Variants in PHKA1 observed in about 807,000 individuals in gnomAD.
The protein encoded by PHKA1 is phosphorylase kinase regulatory subunit alpha 1.
A neutral mutation model predicts 110.2 loss-of-function variants in PHKA1; 60 were observed. That is an observed-to-expected ratio of 0.54 (90% CI 0.44 to 0.68). The LOEUF is 0.68. Ranked by LOEUF, PHKA1 falls within the 30% of genes least tolerant of loss-of-function variation. The pLI is 0.00. For synonymous variants in PHKA1, 316 were observed against 333.6 expected, an observed-to-expected ratio of 0.95 and a Z score of 0.58; for missense variants, 801 against 942.5, an observed-to-expected ratio of 0.85 and a Z score of 1.97.
intron 15 of PHKA1, 121 bp downstream of exon 15, chrX:72,636,156 A>C (rs1326980334): frequency 2.0e-6 from 1 of 510,327 alleles, no homozygotes; most frequent in African/African-American, 2.3e-5. Context: ...TGAGTAAGTT[A>C]TGTGCAAGGC....
chrX:72,683,426 A>G (rs1245502404), intron 5 of PHKA1, among the ~76,000 whole-genome samples: 2 of 111,633 alleles, frequency 1.8e-5, no homozygotes, highest in African/African-American at 6.6e-5. Flanking sequence ...CAACAGACAA[A>G]AACAGAAACA....
chrX:72,631,005 T>TG (rs2053158356), intron 16 of PHKA1, among the ~76,000 whole-genome samples: 1 of 97,744 alleles, frequency 1.0e-5, no homozygotes, highest in African/African-American at 3.7e-5. Flanking sequence ...TCAGGTTTTT[T>TG]TTTTTTTTTT....
chrX:72,695,980 C>T, intron 3 of PHKA1, 104 bp from the exon 4 acceptor site: 1 of 669,016 alleles, frequency 1.5e-6, no homozygotes, highest in Non-Finnish European at 2.5e-6. Flanking sequence ...TGAAGATACA[C>T]TATCTTCAGG....
At chrX:72,685,575 C>T (rs782676063) in intron 4 of PHKA1, among the ~76,000 whole-genome samples, 2 of 111,616 alleles carry the variant, frequency 1.8e-5, no homozygotes, top group Non-Finnish European at 3.8e-5. Context: ...AAATTTTATA[C>T]AAAATTACTT....
At chrX:72,597,508 T>C (rs1240764845) in intron 28 of PHKA1, among the ~76,000 whole-genome samples, 1 of 111,489 alleles carries the variant, frequency 9.0e-6, no homozygotes, top group Non-Finnish European at 1.9e-5. Flanking sequence ...CTTTGACCAA[T>C]GACTCTTTTA....
rs1556335959 is a variant in PHKA1 at position 72,713,884 on chromosome X, G to T, written c.-4C>A. 1.7e-6 allele frequency: 2 copies of T among 1,192,562 alleles called. No individual in the cohort carries two copies. The highest frequency in any genetic ancestry group is 3.5e-5 in the South Asian group (2 of 56,372). ...CGGAGTTACTCCGGCTCCTCATGGC[G>T]ACACGTTACTAATTGTCCTCTGAGA... is the stretch of plus-strand genomic sequence containing the variant. On this transcript the variant is annotated 5_prime_UTR_variant, in exon 1 of 32. Transcript: ENST00000373542.
intron 28 of PHKA1, among the ~76,000 whole-genome samples, chrX:72,597,056 C>T (rs2052599553): frequency 8.9e-6 from 1 of 112,137 alleles, no homozygotes; most frequent in African/African-American, 3.2e-5. Context: ...GTGACATCCA[C>T]ATGCAAAAGA....
intron 16 of PHKA1, among the ~76,000 whole-genome samples, chrX:72,628,976 C>G (rs2053127530): frequency 9.0e-6 from 1 of 111,404 alleles, no homozygotes; most frequent in Non-Finnish European, 1.9e-5. Context: ...AGTAAAGTAG[C>G]AAGCCTAAAT....
chrX:72,612,379 C>G (rs1253877672), intron 21 of PHKA1, among the ~76,000 whole-genome samples: 4 of 111,576 alleles, frequency 3.6e-5, no homozygotes, highest in Non-Finnish European at 7.5e-5. Context: ...TGGGGTAATG[C>G]AAATGTTCTA....
At chrX:72,600,630 T>C (rs2052646253) in intron 28 of PHKA1, among the ~76,000 whole-genome samples, 1 of 111,868 alleles carries the variant, frequency 8.9e-6, no homozygotes, top group Non-Finnish European at 1.9e-5. Flanking sequence ...TTGATGAGTG[T>C]ACTCAAGTTA....
In PHKA1 at chrX:72,620,708, G is replaced by A. The variant is rs782662899; in HGVS notation, c.2137+17C>T. 8.4e-7 allele frequency: 1 copy of A among 1,190,776 alleles called. No individual in the cohort carries two copies. Among genetic ancestry groups the A allele is most frequent in the Non-Finnish European group, 1.1e-6 (1 of 877,878 alleles). ...GTCATCCTGTGCCTGACTCTGGTGAGTCACGGCATTACTCACTCTGTACAT... is the reference window on the plus strand; with the variant it reads ...GTCATCCTGTGCCTGACTCTGGTGAATCACGGCATTACTCACTCTGTACAT... On this transcript the variant is annotated intron_variant, in intron 19 of 31. Transcript: ENST00000373542.
At position 72,656,258 on chromosome X, in the gene PHKA1, T is replaced by C. The variant is rs1379614534; in HGVS notation, c.919-16A>G. On this transcript the variant is annotated splice_polypyrimidine_tract_variant and intron_variant, in intron 9 of 31. Coordinates refer to ENST00000373542, the MANE Select transcript of PHKA1 (RefSeq NM_002637.4). ...GATTGGGATCCTAGTAAAAACACAA[T>C]AAAGTCTGTCATCACTCAGAGGTTA... 1 of 1,203,845 alleles carries C rather than the reference T, an allele frequency of 8.3e-7. No individual in the cohort carries two copies. Among genetic ancestry groups the C allele is most frequent in the African/African-American group, 1.8e-5 (1 of 57,083 alleles).
chrX:72,586,736 A>C (rs916460705), intron 29 of PHKA1, among the ~76,000 whole-genome samples: 1 of 110,330 alleles, frequency 9.1e-6, no homozygotes, highest in African/African-American at 3.3e-5. Context: ...GAAGACCTTA[A>C]GTGACCTGAT....
At chrX:72,704,669 G>T (rs1298551359) in intron 3 of PHKA1, among the ~76,000 whole-genome samples, 1 of 110,913 alleles carries the variant, frequency 9.0e-6, no homozygotes, top group Non-Finnish European at 1.9e-5. Context: ...CTGCAGCCTT[G>T]ACCTCCCAGG....
chrX:72,673,966 C>A (rs1438671351), intron 6 of PHKA1, among the ~76,000 whole-genome samples: 1 of 79,792 alleles, frequency 1.3e-5, no homozygotes, highest in Non-Finnish European at 2.4e-5. Context: ...TCCCCCCACC[C>A]CACAACAGGC....
At chrX:72,622,373 C>A (rs1422288734) in intron 18 of PHKA1, 5 of 753,777 alleles carry the variant, frequency 6.6e-6, no homozygotes, top group Non-Finnish European at 7.8e-6. Context: ...AGTCAAATAC[C>A]CAGACAATGA....
chrX:72,604,964 G>C (rs1388624809), intron 25 of PHKA1, among the ~76,000 whole-genome samples: 1 of 111,384 alleles, frequency 9.0e-6, no homozygotes, highest in Admixed American at 9.6e-5. Context: ...ACCCAACTCT[G>C]TCTGTCACAC....
intron 5 of PHKA1, among the ~76,000 whole-genome samples, chrX:72,678,947 A>C (rs1301550575): frequency 8.9e-6 from 1 of 112,212 alleles, no homozygotes; most frequent in Non-Finnish European, 1.9e-5. Flanking sequence ...AGATACACCA[A>C]GGTAACCATA....
rs1368010105 is a variant in PHKA1 at position 72,682,963 on chromosome X, G to T, written c.537+1535C>A. 2.4e-3 allele frequency among the ~76,000 whole-genome samples: 217 copies of T among 91,596 alleles called. 1 individual carries two copies. Among genetic ancestry groups the T allele is most frequent in the African/African-American group, 7.3e-3 (183 of 25,003 alleles). The allele number at this position is 91,596 out of a possible 115,157, so 79.5% of individuals were successfully genotyped here. ...AAAAAAAAAAAAAAAAAAAAAGAAA[G>T]TTTTTCAGGCAGAAGGAAATAATGC... On this transcript the variant is annotated intron_variant, in intron 5 of 31. Transcript: ENST00000373542.
Sources: allele counts gnomAD v4.1 joint callset (sites outside exome capture counted in the v4.1 genomes callset), GRCh38; gene constraint gnomAD v4.1.1; transcripts MANE v1.5; gene names NCBI Gene and HGNC (gene_info 2026-07-23, HGNC 2026-07-21).